Variants in PSD3 observed in about 807,000 individuals in gnomAD.
PSD3 encodes pleckstrin and Sec7 domain containing 3, also known as PH and SEC7 domain-containing protein 3.
PSD3 carries 49 observed loss-of-function variants against 105.5 expected under a neutral mutation model. The observed-to-expected ratio is 0.46, with a 90% CI of 0.37 to 0.59. PSD3 has a LOEUF of 0.59. Among genes scored for constraint, PSD3 ranks in the 20% least tolerant of loss-of-function variants. The pLI is 0.00. For missense variants in PSD3, 1,561 were observed against 1,263.8 expected (o/e 1.24, Z -3.57); for synonymous variants, 557 against 457.8 (o/e 1.22, Z -2.77).
intron 4 of PSD3, chr8:18,808,952 T>C (rs934987408): frequency 2.1e-6 from 3 of 1,437,422 alleles, no homozygotes; most frequent in African/African-American, 2.9e-5. Context: ...GTGTTCATTG[T>C]TGCGGTTTCT....
intron 12 of PSD3, among the ~76,000 whole-genome samples, chr8:18,576,672 C>T (rs778257862): frequency 1.3e-5 from 2 of 152,016 alleles, no homozygotes; most frequent in African/African-American, 2.4e-5. Context: ...CTTATAATTA[C>T]GCTATAACAG....
At chr8:18,968,262 C>G (rs1291054123) in intron 1 of PSD3, among the ~76,000 whole-genome samples, 10 of 152,160 alleles carry the variant, frequency 6.6e-5, no homozygotes, top group African/African-American at 2.2e-4. Flanking sequence ...CCTGCAAGTC[C>G]AATTCTGACT....
chr8:18,676,612 C>G (rs1338748269), intron 9 of PSD3, among the ~76,000 whole-genome samples: 1 of 152,182 alleles, frequency 6.6e-6, no homozygotes. Context: ...GATTTACAGC[C>G]TTGTTGCTGC....
chr8:18,991,340 A>G (rs557877803), intron 1 of PSD3, among the ~76,000 whole-genome samples: 131 of 89,574 alleles, frequency 1.5e-3, no homozygotes, highest in Admixed American at 2.6e-3. Flanking sequence ...AACAGAAAAC[A>G]CACACACACA....
chr8:18,712,687 C>T (rs975935820), intron 9 of PSD3, among the ~76,000 whole-genome samples: 2 of 152,154 alleles, frequency 1.3e-5, no homozygotes, highest in African/African-American at 2.4e-5. Context: ...TGCATTACAG[C>T]TGAATTCTAC....
At chr8:18,623,538 G>A (rs1260253532) in intron 11 of PSD3, among the ~76,000 whole-genome samples, 1 of 151,032 alleles carries the variant, frequency 6.6e-6, no homozygotes, top group Non-Finnish European at 1.5e-5. Context: ...TATCTGGGTG[G>A]CTGAGGTGGG....
rs1817067463 is a variant in PSD3, at chr8:18,867,946, T to C, written c.1362A>G (p.Leu454=). The C allele has an allele frequency of 5.6e-6, 9 of 1,614,068 alleles. No individual in the cohort carries two copies. The highest frequency in any genetic ancestry group is 1.6e-4 in the Middle Eastern group (1 of 6,084). The change falls in exon 4 of 16, where the codon TTA becomes TTG. Residue 454 remains leucine, a synonymous_variant. Transcript: ENST00000327040. ...TCTCCAGGGACTCTGCACTGTAGTA[T>C]AAAGAAGTGTTGTCCAAAATGGTTT... ...QFETILDNTS[L]YYSAESLETL...
intron 9 of PSD3, among the ~76,000 whole-genome samples, chr8:18,666,974 T>G (rs1799504179): frequency 6.6e-6 from 1 of 152,146 alleles, no homozygotes; most frequent in African/African-American, 2.4e-5. Context: ...TGTTCATTCC[T>G]CCCGGTGGGT....
intron 12 of PSD3, among the ~76,000 whole-genome samples, chr8:18,595,281 C>T (rs1038453295): frequency 8.1e-6 from 1 of 122,774 alleles, no homozygotes; most frequent in Admixed American, 8.1e-5. Flanking sequence ...AATGTTATTA[C>T]AAAAAAAAAA....
intron 11 of PSD3, among the ~76,000 whole-genome samples, chr8:18,607,379 G>A (rs1165830688): frequency 6.6e-6 from 1 of 152,066 alleles, no homozygotes; most frequent in Non-Finnish European, 1.5e-5. Context: ...TCCAAGATTT[G>A]ACCTGTATAA....
chr8:19,034,033 T>C (rs1827861906), intron 1 of PSD3, among the ~76,000 whole-genome samples: 1 of 152,160 alleles, frequency 6.6e-6, no homozygotes, highest in African/African-American at 2.4e-5. Flanking sequence ...GGAAATAGTT[T>C]GTAATGTGAA....
intron 4 of PSD3, among the ~76,000 whole-genome samples, chr8:18,832,770 G>C (rs1563324622): frequency 6.6e-6 from 1 of 152,200 alleles, no homozygotes. Flanking sequence ...GTCTTACATG[G>C]TGGCAGGCAA....
At chr8:18,667,028 G>C (rs186087077) in intron 9 of PSD3, among the ~76,000 whole-genome samples, 1 of 152,076 alleles carries the variant, frequency 6.6e-6, no homozygotes, top group South Asian at 2.1e-4. Flanking sequence ...CCTTCTTGTG[G>C]GTTCGTGGTC....
At chr8:18,944,674 A>G (rs1165161448) in intron 1 of PSD3, among the ~76,000 whole-genome samples, 1 of 152,146 alleles carries the variant, frequency 6.6e-6, no homozygotes, top group Non-Finnish European at 1.5e-5. Context: ...TACGCTGTGG[A>G]AAGGCACTTA....
chr8:18,704,021 T>G (rs1801742774), intron 9 of PSD3, among the ~76,000 whole-genome samples: 2 of 152,100 alleles, frequency 1.3e-5, no homozygotes, highest in South Asian at 2.1e-4. Context: ...GATAAGATCT[T>G]TAAAAAAGAT....
chr8:18,588,220 C>T (rs540257385), intron 12 of PSD3, among the ~76,000 whole-genome samples: 6 of 152,238 alleles, frequency 3.9e-5, no homozygotes, highest in Admixed American at 1.3e-4. Context: ...TACAGTCTAC[C>T]TACCTTTTTA....
chr8:18,618,673 T>C (rs1205268623), intron 11 of PSD3, among the ~76,000 whole-genome samples: 1 of 149,760 alleles, frequency 6.7e-6, no homozygotes, highest in African/African-American at 2.5e-5. Flanking sequence ...CACCTTAAGG[T>C]TTTTGCATTT....
At chr8:19,080,819 G>A (rs1346446931) in intron 1 of PSD3, among the ~76,000 whole-genome samples, 1 of 151,856 alleles carries the variant, frequency 6.6e-6, no homozygotes, top group African/African-American at 2.4e-5. Context: ...TAAAAATGAG[G>A]GACATTAAAA....
intron 9 of PSD3, among the ~76,000 whole-genome samples, chr8:18,695,333 A>G (rs772729223): frequency 1.3e-5 from 2 of 152,208 alleles, no homozygotes; most frequent in African/African-American, 2.4e-5. Flanking sequence ...GCAGACATAA[A>G]AGTGCATGCA....
Sources: gnomAD v4.1 joint callset for allele counts (sites outside exome capture counted in the v4.1 genomes callset) on GRCh38, gnomAD v4.1.1 for gene constraint, MANE v1.5 for transcripts, NCBI Gene and HGNC (gene_info 2026-07-23, HGNC 2026-07-21) for gene names.